PTPRD: variants seen among roughly 807,000 people sequenced by gnomAD.
PTPRD encodes protein tyrosine phosphatase receptor type D.
Under a neutral mutation model 214.5 loss-of-function variants are expected in PTPRD, and 34 were observed. The ratio of observed to expected loss-of-function variants is 0.16; its 90% CI spans 0.12 to 0.21. PTPRD has a LOEUF of 0.21. Ranked by LOEUF, PTPRD falls within the 10% of genes least tolerant of loss-of-function variation. The pLI is 1.00. For missense variants in PTPRD, 2,545 were observed against 2,398.7 expected, an observed-to-expected ratio of 1.06 and a Z score of -1.27; for synonymous variants, 1,128 against 845.7, an observed-to-expected ratio of 1.33 and a Z score of -5.79.
At chr9:8,607,643 G>A (rs2095283089) in intron 14 of PTPRD, among the ~76,000 whole-genome samples, 3 of 151,708 alleles carry the variant, frequency 2.0e-5, no homozygotes, top group South Asian at 2.1e-4. Flanking sequence ...ATTCTGTCTC[G>A]GAAAAAAAAT....
intron 5 of PTPRD, among the ~76,000 whole-genome samples, chr9:9,869,557 C>G (rs535411314): frequency 6.6e-6 from 1 of 151,804 alleles, no homozygotes; most frequent in Non-Finnish European, 1.5e-5. Context: ...TGTTTCCTGA[C>G]GGGATATAAT....
intron 26 of PTPRD, among the ~76,000 whole-genome samples, chr9:8,494,154 T>TGACGAGTA (rs1334846437): frequency 6.6e-6 from 1 of 152,108 alleles, no homozygotes; most frequent in Non-Finnish European, 1.5e-5. Context: ...ACAATGTGAG[T>TGACGAGTA]GACGAGTACG....
At chr9:9,884,519 G>A (rs2070058568) in intron 5 of PTPRD, among the ~76,000 whole-genome samples, 1 of 152,072 alleles carries the variant, frequency 6.6e-6, no homozygotes, top group African/African-American at 2.4e-5. Context: ...AAAACACACA[G>A]CAAAAGCTCT....
chr9:10,406,024 A>G (rs1423786825), intron 2 of PTPRD, among the ~76,000 whole-genome samples: 3 of 151,366 alleles, frequency 2.0e-5, no homozygotes, highest in Non-Finnish European at 4.4e-5. Flanking sequence ...TATCCATTAT[A>G]AGATACATTA....
chr9:9,524,874 T>G (rs2073679218), intron 8 of PTPRD, among the ~76,000 whole-genome samples: 1 of 151,640 alleles, frequency 6.6e-6, no homozygotes. Flanking sequence ...TGTTTGTTTG[T>G]TGAGACGGAG....
At chr9:10,450,862 G>C (rs1276573639) in intron 2 of PTPRD, among the ~76,000 whole-genome samples, 1 of 151,778 alleles carries the variant, frequency 6.6e-6, no homozygotes, top group East Asian at 1.9e-4. Flanking sequence ...ACATTCTTTG[G>C]AAAGAAAATA....
intron 8 of PTPRD, among the ~76,000 whole-genome samples, chr9:9,459,382 G>A (rs2093417202): frequency 6.6e-6 from 1 of 151,928 alleles, no homozygotes; most frequent in Admixed American, 6.6e-5. Flanking sequence ...GAAATAAAAG[G>A]CATCTAAATT....
intron 10 of PTPRD, among the ~76,000 whole-genome samples, chr9:9,133,589 T>G (rs933825774): frequency 6.6e-6 from 1 of 152,140 alleles, no homozygotes; most frequent in African/African-American, 2.4e-5. Context: ...AAAACTCACT[T>G]TTGAAGACAT....
chr9:10,132,384 T>C (rs2098899599), intron 3 of PTPRD, among the ~76,000 whole-genome samples: 1 of 152,202 alleles, frequency 6.6e-6, no homozygotes, highest in Non-Finnish European at 1.5e-5. Flanking sequence ...TACTTGAGAT[T>C]CACTCTCTTG....
chr9:9,915,211 C>A (rs191369174), intron 5 of PTPRD, among the ~76,000 whole-genome samples: 48 of 152,240 alleles, frequency 3.2e-4, no homozygotes, highest in African/African-American at 1.1e-3. Flanking sequence ...ACTGACAGCC[C>A]AAGACCCATT....
At chr9:10,564,171 C>CTTTTT (rs71332760) in intron 2 of PTPRD, among the ~76,000 whole-genome samples, 1,312 of 29,364 alleles carry the variant, frequency 0.045, 375 homozygotes, top group South Asian at 0.054. Context: ...CTAGGCTATT[C>CTTTTT]TTTTTTTTTT....
At chr9:8,336,663 C>T (rs946191368) in intron 43 of PTPRD, among the ~76,000 whole-genome samples, 1 of 140,356 alleles carries the variant, frequency 7.1e-6, no homozygotes, top group African/African-American at 2.6e-5. Context: ...TCAGAGTGAA[C>T]AGGCAACCTA....
At chr9:8,332,422 C>A (rs980071196) in intron 43 of PTPRD, among the ~76,000 whole-genome samples, 1 of 152,196 alleles carries the variant, frequency 6.6e-6, no homozygotes, top group South Asian at 2.1e-4. Flanking sequence ...AGTAAAGCAT[C>A]CCTCAAGGAT....
At chr9:8,859,485 A>AT (rs2154545316) in intron 11 of PTPRD, among the ~76,000 whole-genome samples, 1 of 152,362 alleles carries the variant, frequency 6.6e-6, no homozygotes, top group East Asian at 1.9e-4. Context: ...AAGGTTAAAT[A>AT]AAGTAAAGCT....
At chr9:9,463,096 A>C (rs968741947) in intron 8 of PTPRD, among the ~76,000 whole-genome samples, 40 of 151,440 alleles carry the variant, frequency 2.6e-4, no homozygotes, top group African/African-American at 9.8e-4. Context: ...AATAGGAACA[A>C]AAGCCTTTGT....
chr9:9,206,915 C>T (rs901486073), intron 9 of PTPRD, among the ~76,000 whole-genome samples: 17 of 152,152 alleles, frequency 1.1e-4, no homozygotes, highest in African/African-American at 3.9e-4. Flanking sequence ...TTAATAAACT[C>T]CCTTTCATAT....
In PTPRD at chr9:8,953,593, T is replaced by C. The variant is rs187220006; in HGVS notation, c.-104+65104A>G. 5.5e-3 allele frequency among the ~76,000 whole-genome samples: 833 copies of C among 152,040 alleles called. 1 individual carries two copies. Among genetic ancestry groups the C allele is most frequent in the African/African-American group, 0.019 (808 of 41,522 alleles). ...AGTGGGAGAAGATGTTCACAAACTA[T>C]GCATCTCTTCAAAGGTCTAATATCC... On this transcript the variant is annotated intron_variant, in intron 11 of 45. Transcript: ENST00000381196.
chr9:8,763,418 G>A, intron 11 of PTPRD, among the ~76,000 whole-genome samples: 1 of 152,024 alleles, frequency 6.6e-6, no homozygotes, highest in East Asian at 1.9e-4. Flanking sequence ...GGAGGCTGAG[G>A]CATGAGAACC....
chr9:9,410,427 A>G (rs1019729032), intron 8 of PTPRD, among the ~76,000 whole-genome samples: 2 of 152,176 alleles, frequency 1.3e-5, no homozygotes, highest in East Asian at 3.9e-4. Context: ...TTTGTTTCCT[A>G]TGTCCAGCTT....
Sources: gnomAD v4.1 joint callset for allele counts (sites outside exome capture counted in the v4.1 genomes callset) on GRCh38, gnomAD v4.1.1 for gene constraint, MANE v1.5 for transcripts, NCBI Gene and HGNC (gene_info 2026-07-23, HGNC 2026-07-21) for gene names.